The following TTC39A variants were observed in gnomAD, a reference collection of about 807,000 sequenced individuals.
The protein encoded by TTC39A is tetratricopeptide repeat domain 39A.
A neutral mutation model predicts 82.3 loss-of-function variants in TTC39A; 46 were observed. That is an observed-to-expected ratio of 0.56 (90% CI 0.44 to 0.71). The LOEUF is 0.71. TTC39A is among the 30% of genes least tolerant of loss of function. TTC39A has a pLI of 0.00. For missense variants in TTC39A, 543 were observed against 712.9 expected, an observed-to-expected ratio of 0.76 and a Z score of 2.71; for synonymous variants, 254 against 275.2, an observed-to-expected ratio of 0.92 and a Z score of 0.76.
intron 2 of TTC39A, 83 bp from the exon 3 acceptor site, chr1:51,313,026 C>G: frequency 1.3e-6 from 2 of 1,547,386 alleles, no homozygotes; most frequent in Admixed American, 3.6e-5. Context: ...CTCCACCCTC[C>G]TCCATTCTGC....
chr1:51,334,571 A>G (rs904217373), upstream of TTC39A, among the ~76,000 whole-genome samples: 4 of 151,774 alleles, frequency 2.6e-5, no homozygotes, highest in African/African-American at 7.3e-5. Context: ...AGGAGGATCA[A>G]TGGAGCCCAG....
intron 6 of TTC39A, among the ~76,000 whole-genome samples, chr1:51,308,765 G>A (rs959770599): frequency 1.3e-5 from 2 of 152,184 alleles, no homozygotes; most frequent in African/African-American, 4.8e-5. Flanking sequence ...GGCCTGCAGA[G>A]AGCACGTGCA....
chr1:51,322,747 G>A (rs2148284719), intron 1 of TTC39A, among the ~76,000 whole-genome samples: 1 of 152,258 alleles, frequency 6.6e-6, no homozygotes, highest in African/African-American at 2.4e-5. Flanking sequence ...TCTTCTCAAG[G>A]GGCCTCCTTT....
At chr1:51,334,214 A>G (rs1645946783), upstream of TTC39A, among the ~76,000 whole-genome samples, 1 of 151,394 alleles carries the variant, frequency 6.6e-6, no homozygotes, top group South Asian at 2.1e-4. Flanking sequence ...AAAAAAAAAA[A>G]AAGGCCAGGC....
intron 9 of TTC39A, 36 bp from the exon 10 acceptor site, chr1:51,302,609 A>G: frequency 4.5e-6 from 7 of 1,570,934 alleles, no homozygotes; most frequent in Middle Eastern, 1.7e-4. Context: ...AGAACATGTC[A>G]CCACCCCTGG....
intron 2 of TTC39A, among the ~76,000 whole-genome samples, chr1:51,314,480 G>A (rs1360355747): frequency 2.0e-5 from 3 of 152,186 alleles, no homozygotes; most frequent in Non-Finnish European, 4.4e-5. Flanking sequence ...GTTTGGTTGT[G>A]AAATCATGTG....
At chr1:51,292,612 G>A (rs1391671482) in intron 14 of TTC39A, among the ~76,000 whole-genome samples, 1 of 151,910 alleles carries the variant, frequency 6.6e-6, no homozygotes, top group Non-Finnish European at 1.5e-5. Flanking sequence ...TGAATTTTTT[G>A]TAAAGATGGG....
chr1:51,340,863 C>T (rs551801550), intron 1 of TTC39A, among the ~76,000 whole-genome samples: 1 of 152,272 alleles, frequency 6.6e-6, no homozygotes, highest in Admixed American at 6.5e-5. Context: ...TAGAAAGTCT[C>T]AGAATCAGGC....
Position 51,330,324 on chromosome 1 carries a change from C to T in TTC39A, c.41+113G>A. The T allele has an allele frequency of 1.1e-6, 1 of 915,678 alleles. No homozygotes were observed. The highest frequency in any genetic ancestry group is 1.8e-5 in the African/African-American group (1 of 55,662). The allele number at this position is 915,678 out of a possible 1,614,324, so 56.7% of individuals were successfully genotyped here. ...GCCGGGCGGGGTGGGGGCTGGAAGC[C>T]GCAGTGCGGCCCCAGGCCGGTGCGC... On this transcript the variant is annotated intron_variant, in intron 1 of 17. Transcript: ENST00000680483. The surrounding 1 kb of genome is among the most constrained non-coding windows in gnomAD (Gnocchi z 4.5).
Position 51,301,582 on chromosome 1 carries a change from C to G in TTC39A, c.1043G>C (p.Cys348Ser), listed in dbSNP as rs749323545. 1 of 1,607,938 alleles carries G rather than the reference C, an allele frequency of 6.2e-7. No individual in the cohort carries two copies. The highest frequency in any genetic ancestry group is 1.1e-5 in the South Asian group (1 of 89,992). The change falls in exon 12 of 18, where the codon TGC becomes TCC. Residue 348 changes from cysteine to serine, a missense_variant. Cys to Ser is a moderately radical substitution (Grantham distance 112, BLOSUM62 -1). Coordinates refer to ENST00000680483, the MANE Select transcript of TTC39A (RefSeq NM_001297663.2). Reference sequence around the variant, plus strand: ...GTGGCATCAGCCCACCTTGGACCAGCAGTTCTCCTTGCTGAGCAGGTCGGC... The same window carrying G: ...GTGGCATCAGCCCACCTTGGACCAGGAGTTCTCCTTGCTGAGCAGGTCGGC... ...FYADLLSKENCWSKATYIYMK... is the reference protein window; with the variant it reads ...FYADLLSKENSWSKATYIYMK...
chr1:51,325,675 A>G (rs903302871), intron 1 of TTC39A, among the ~76,000 whole-genome samples: 1 of 152,162 alleles, frequency 6.6e-6, no homozygotes, highest in African/African-American at 2.4e-5. Context: ...TTCTAACCCA[A>G]GTTTCTGCCT....
At chr1:51,343,436 T>C (rs1646061200) in intron 1 of TTC39A, among the ~76,000 whole-genome samples, 1 of 152,226 alleles carries the variant, frequency 6.6e-6, no homozygotes, top group South Asian at 2.1e-4. Flanking sequence ...GTCTCAGTGA[T>C]CTTCCATCAC....
At chr1:51,293,373 A>G (rs548009834) in intron 14 of TTC39A, among the ~76,000 whole-genome samples, 1 of 152,340 alleles carries the variant, frequency 6.6e-6, no homozygotes, top group East Asian at 1.9e-4. Context: ...GGCCTATGGT[A>G]TATTTTAAAC....
chr1:51,314,622 G>A (rs1015109284), intron 2 of TTC39A, among the ~76,000 whole-genome samples: 1 of 152,208 alleles, frequency 6.6e-6, no homozygotes, highest in Non-Finnish European at 1.5e-5. Context: ...CCAGCCAGGG[G>A]CACTCTCTGG....
intron 2 of TTC39A, among the ~76,000 whole-genome samples, chr1:51,320,626 T>TA (rs1184210993): frequency 6.6e-6 from 1 of 151,484 alleles, no homozygotes; most frequent in Non-Finnish European, 1.5e-5. Context: ...TAATTTTTTG[T>TA]ATTTTTTTTT....
intron 2 of TTC39A, among the ~76,000 whole-genome samples, chr1:51,318,815 G>A (rs1343242059): frequency 1.3e-5 from 2 of 152,124 alleles, no homozygotes; most frequent in Admixed American, 1.3e-4. Context: ...ACATCTGGGG[G>A]CCAGCTCTCT....
chr1:51,335,740 G>A (rs1332193038), upstream of TTC39A, among the ~76,000 whole-genome samples: 1 of 152,068 alleles, frequency 6.6e-6, no homozygotes, highest in South Asian at 2.1e-4. Flanking sequence ...TAGGGAAAGG[G>A]GGAAGAAGAG....
chr1:51,295,295 C>A (rs1644372619), intron 13 of TTC39A, among the ~76,000 whole-genome samples: 1 of 152,182 alleles, frequency 6.6e-6, no homozygotes, highest in African/African-American at 2.4e-5. Context: ...TAGTAGCAGA[C>A]ACTCTGTAAG....
chr1:51,305,038 C>T, intron 8 of TTC39A, 43 bp downstream of exon 8: 2 of 1,608,068 alleles, frequency 1.2e-6, no homozygotes, highest in Non-Finnish European at 1.7e-6. Flanking sequence ...AGCCCCAGTT[C>T]TGGGGCTGAG....
Sources: allele counts gnomAD v4.1 joint callset (sites outside exome capture counted in the v4.1 genomes callset), GRCh38; gene constraint gnomAD v4.1.1; non-coding constraint Gnocchi (gnomAD v3.1); transcripts MANE v1.5; gene names NCBI Gene and HGNC (gene_info 2026-07-23, HGNC 2026-07-21).